TFRC: variants seen among roughly 807,000 people sequenced by gnomAD.
TFRC encodes transferrin receptor protein 1.
Under a neutral mutation model 85.8 loss-of-function variants are expected in TFRC, and 35 were observed. That is an observed-to-expected ratio of 0.41 (90% confidence interval 0.31 to 0.54). The LOEUF is 0.54. Among genes scored for constraint, TFRC ranks in the 20% least tolerant of loss-of-function variants. TFRC has a pLI of 0.31. For missense variants in TFRC, 828 were observed against 921.5 expected, an observed-to-expected ratio of 0.90 and a Z score of 1.31; for synonymous variants, 362 against 328.6, an observed-to-expected ratio of 1.10 and a Z score of -1.10.
At chr3:196,080,302 C>T (rs1451923413) in intron 1 of TFRC, among the ~76,000 whole-genome samples, 3 of 152,236 alleles carry the variant, frequency 2.0e-5, no homozygotes, top group African/African-American at 7.2e-5. Context: ...CGGGGTTTCA[C>T]CATGTTGGCC....
chr3:196,057,366 C>T (rs1392047713), intron 16 of TFRC, among the ~76,000 whole-genome samples: 14 of 152,118 alleles, frequency 9.2e-5, no homozygotes. Context: ...CAATTGATCA[C>T]GACCCTCTCA....
At chr3:196,066,160 C>T (rs552866602) in intron 9 of TFRC, among the ~76,000 whole-genome samples, 17 of 152,228 alleles carry the variant, frequency 1.1e-4, no homozygotes, top group Admixed American at 1.0e-3. Context: ...GACATACTTA[C>T]GTAGTTTATA....
rs73893123 is a variant in TFRC, at chr3:196,063,225, C to G, written c.1319-286G>C. 1.7e-3 allele frequency: 416 copies of G among 250,364 alleles called. 2 individuals are homozygous for G. Among genetic ancestry groups the G allele is most frequent in the African/African-American group, 7.2e-3 (317 of 43,974 alleles). 15.5% of individuals were successfully genotyped at this position (250,364 alleles called of 1,614,324 possible). A position where few individuals can be genotyped will look rare whatever the true frequency, so the allele number is the denominator to read the frequency against. ...GTACATAGCAGGGGCCAGTAGTCAC[C>G]CTTTCACAATTTCATTCTTGGAGTT... On this transcript the variant is annotated intron_variant, in intron 11 of 18. Transcript: ENST00000360110.
rs1718453525 is a variant in TFRC, at chr3:196,074,072, A to G, written c.292T>C (p.Cys98Arg). 2.5e-6 allele frequency: 4 copies of G among 1,614,012 alleles called. No individual in the cohort carries two copies. The highest frequency in any genetic ancestry group is 1.7e-5 in the Admixed American group (1 of 59,978). The change falls in exon 4 of 19, where the codon TGT (cysteine) becomes CGT (arginine). Residue 98 changes from cysteine (C) to arginine (R), a missense_variant. Coordinates refer to ENST00000360110, the MANE Select transcript of TFRC (RefSeq NM_001128148.3). ...YCKGVEPKTE[C>R]ERLAGTESPV... ...GACTCGGTTCCTGCCAGTCTCTCAC[A>G]CTCAGTTTTTGGTTCTACCCCTTTA...
At chr3:196,070,538 C>G (rs1014200538) in intron 6 of TFRC, among the ~76,000 whole-genome samples, 1 of 151,958 alleles carries the variant, frequency 6.6e-6, no homozygotes, top group Non-Finnish European at 1.5e-5. Flanking sequence ...CAGGCGTGAG[C>G]CACCACGCCC....
chr3:196,071,538 C>T (rs1718209136), intron 5 of TFRC, 40 bp from the exon 6 acceptor site: 1 of 1,589,092 alleles, frequency 6.3e-7, no homozygotes, highest in Non-Finnish European at 8.6e-7. Flanking sequence ...TAAGGTCATC[C>T]TTCCAAAAAA....
At position 196,072,039 on chromosome 3, in the gene TFRC, C is replaced by T. The variant is rs778329855; in HGVS notation, c.548G>A (p.Arg183His). Residue 183 changes from arginine (R) to histidine (H), a missense_variant, in exon 5 of 19, where the codon CGT becomes CAT. By Grantham distance (29) the Arg-to-His change is conservative. Coordinates refer to ENST00000360110, the MANE Select transcript of TFRC (RefSeq NM_001128148.3). ...CTGAATCTTAACAAAATGTTGATCA[C>T]GCCAGACTTTGCTGAGTTTAAATTC... ...FREFKLSKVW[R>H]DQHFVKIQVK... The T allele has an allele frequency of 1.3e-5, 21 of 1,613,952 alleles. No homozygotes were observed. The East Asian group carries it at 2.2e-4, about 17-fold the overall frequency.
chr3:196,081,460 G>A (rs1719169204), intron 1 of TFRC, among the ~76,000 whole-genome samples: 1 of 152,220 alleles, frequency 6.6e-6, no homozygotes, highest in South Asian at 2.1e-4. Flanking sequence ...TGAGAACGGG[G>A]CCCGCCCGGA....
chr3:196,078,057 A>T (rs887818636), intron 1 of TFRC, among the ~76,000 whole-genome samples: 1 of 152,216 alleles, frequency 6.6e-6, no homozygotes, highest in Admixed American at 6.5e-5. Context: ...TTGTGTTATC[A>T]TCTCTGGAAA....
Position 196,081,608 on chromosome 3 carries a change from C to T in TFRC, c.-24+435G>A, listed in dbSNP as rs1260207498. ...TGCACCTTGGCTGCGCCCGCGCTCC[C>T]GGACCCGCAGCCCGGAGCCGGCGCA... On this transcript the variant is annotated intron_variant, in intron 1 of 18. Coordinates refer to ENST00000360110, the MANE Select transcript of TFRC (RefSeq NM_001128148.3). 2.0e-5 allele frequency among the ~76,000 whole-genome samples: 3 copies of T among 152,326 alleles called. No homozygotes were observed. In the East Asian group the frequency reaches 5.8e-4, roughly 29 times the overall value.
chr3:196,062,154 G>A (rs1189924625), intron 13 of TFRC, among the ~76,000 whole-genome samples: 1 of 151,928 alleles, frequency 6.6e-6, no homozygotes, highest in Non-Finnish European at 1.5e-5. Context: ...GGAGGTCAAG[G>A]CTGCAGTGAG....
rs555617767 is a variant in TFRC at position 196,052,056 on chromosome 3, G to A, written c.2169C>T (p.Asn723=). Residue 723 remains asparagine (N), a synonymous_variant, in exon 19 of 19, where the codon AAC becomes AAT. Transcript: ENST00000360110. Reference sequence around the variant, plus strand: ...TGAACAGCGTTTCATTAAAAGCACCGTTATTTTGTTTACGCAGTTTCAAGT... The same window carrying A: ...TGAACAGCGTTTCATTAAAAGCACCATTATTTTGTTTACGCAGTTTCAAGT... The part of the protein sequence containing the change: ...LENLKLRKQN[N]GAFNETLFRN... The A allele has an allele frequency of 1.6e-5, 26 of 1,614,104 alleles. No homozygotes were observed. The highest frequency in any genetic ancestry group is 1.3e-4 in the East Asian group (6 of 44,884).
At position 196,066,355 on chromosome 3, in the gene TFRC, G is replaced by A. The variant is rs2300776; in HGVS notation, c.1041-755C>T. ...CGCCTGTAATCCCAGCACTTTGGAA[G>A]GCCGAGGCAGAATTCCTTGAACCCA... is the stretch of plus-strand genomic sequence containing the variant. On this transcript the variant is annotated intron_variant, in intron 9 of 18. Coordinates refer to ENST00000360110, the MANE Select transcript of TFRC (RefSeq NM_001128148.3). Among the ~76,000 whole-genome samples the A allele has an allele frequency of 4.5e-3, 679 of 152,138 alleles. 34 individuals carry two copies. The East Asian group carries it at 0.077, about 17-fold the overall frequency.
At chr3:196,064,456 G>T (rs1446914641) in intron 10 of TFRC, 28 bp from the exon 11 acceptor site, 9 of 1,563,164 alleles carry the variant, frequency 5.8e-6, no homozygotes, top group Non-Finnish European at 7.7e-6. Context: ...GAGGAAGAAA[G>T]AACTTATATA....
rs1316765589 is a variant in TFRC, at chr3:196,082,083, G to A, written c.-64C>T. On this transcript the variant is annotated 5_prime_UTR_variant, in exon 1 of 19. Coordinates refer to ENST00000360110, the MANE Select transcript of TFRC (RefSeq NM_001128148.3). ...GTCCCGAGCCGCCACCCGATATCCC[G>A]ACGCTCTGAGGGGATGGCGGCCCCT... 3 of 153,766 alleles carry A rather than the reference G, an allele frequency of 2.0e-5. No individual in the cohort carries two copies. The highest frequency in any genetic ancestry group is 7.2e-5 in the African/African-American group (3 of 41,498). The allele number at this position is 153,766 out of a possible 1,614,324, so 9.5% of individuals were successfully genotyped here.
chr3:196,080,846 G>A (rs775587379), intron 1 of TFRC, among the ~76,000 whole-genome samples: 7 of 151,728 alleles, frequency 4.6e-5, no homozygotes, highest in Non-Finnish European at 8.8e-5. Context: ...GCCGGGGGGC[G>A]GGGGGAACCA....
At chr3:196,070,581 TTCTA>T (rs1027249466) in intron 6 of TFRC, among the ~76,000 whole-genome samples, 27 of 152,114 alleles carry the variant, frequency 1.8e-4, no homozygotes, top group South Asian at 4.2e-4. Flanking sequence ...CTGAAAATTA[TTCTA>T]TCTATCTGTT....
intron 16 of TFRC, among the ~76,000 whole-genome samples, chr3:196,056,444 G>C (rs770853508): frequency 8.5e-5 from 13 of 152,186 alleles, no homozygotes; most frequent in Non-Finnish European, 1.6e-4. Flanking sequence ...CTGTTGCCCA[G>C]GCTAGAGTGC....
In TFRC at chr3:196,068,095, C is replaced by T; in HGVS notation, c.837G>A (p.Val279=). 1.2e-6 allele frequency: 2 copies of T among 1,613,222 alleles called. No homozygotes were observed. The highest frequency in any genetic ancestry group is 8.5e-7 in the Non-Finnish European group (1 of 1,179,788). The change falls in exon 8 of 19, where the codon GTG becomes GTA. Residue 279 remains valine (V), a synonymous_variant. Coordinates refer to ENST00000360110, the MANE Select transcript of TFRC (RefSeq NM_001128148.3). The stretch of plus-strand genomic sequence containing the variant: ...ATTTAGTCTGGTCCATGTATATCAA[C>T]ACACCAATTGCATTTAAGCTTTCAG... The part of the protein sequence containing the change: ...ANAESLNAIG[V]LIYMDQTKFP...
Sources: allele counts gnomAD v4.1 joint callset (sites outside exome capture counted in the v4.1 genomes callset), GRCh38; gene constraint gnomAD v4.1.1; transcripts MANE v1.5; gene names NCBI Gene and HGNC (gene_info 2026-07-23, HGNC 2026-07-21).